DAB1: variants seen among roughly 807,000 people sequenced by gnomAD.
DAB1 encodes DAB adaptor protein 1.
A neutral mutation model predicts 64.6 loss-of-function variants in DAB1; 15 were observed. The observed-to-expected ratio is 0.23, with a 90% CI of 0.16 to 0.36. DAB1 has a LOEUF of 0.36. Among genes scored for constraint, DAB1 ranks in the 10% least tolerant of loss-of-function variants. DAB1 has a pLI of 1.00. For missense variants in DAB1, 596 were observed against 706.7 expected (o/e 0.84, Z 1.78); for synonymous variants, 235 against 251.9 (o/e 0.93, Z 0.64).
chr1:57,258,568 C>T (rs994081227), intron 2 of DAB1, among the ~76,000 whole-genome samples: 15 of 152,162 alleles, frequency 9.9e-5, no homozygotes, highest in Non-Finnish European at 2.1e-4. Flanking sequence ...GAGCTTTTCT[C>T]CCAAATCGCT....
Position 58,313,819 on chromosome 1 carries a change from ATGTGTGTGTG to A in DAB1, n.309+29523_309+29532del, listed in dbSNP as rs35817738. 1.8e-3 allele frequency among the ~76,000 whole-genome samples: 213 copies of A among 120,040 alleles called. 2 individuals carry two copies. Among genetic ancestry groups the A allele is most frequent in the African/African-American group, 7.1e-3 (200 of 28,114 alleles). 78.8% of individuals were successfully genotyped at this position (120,040 alleles called of 152,430 possible). A position where few individuals can be genotyped will look rare whatever the true frequency, so the allele number is the denominator to read the frequency against. ...GTGGCCATCCTCTCATTGTATCTTC[ATGTGTGTGTG>A]TGTGTGTGTGTGTGTGTGTGTGTGT... is the stretch of plus-strand genomic sequence containing the variant. On this transcript the variant is annotated intron_variant and non_coding_transcript_variant, in intron 4 of 20. Transcript: ENST00000485760.
intron 5 of DAB1, among the ~76,000 whole-genome samples, chr1:57,936,747 T>C (rs1253950415): frequency 6.6e-6 from 1 of 152,152 alleles, no homozygotes; most frequent in Admixed American, 6.5e-5. Flanking sequence ...AATAAATACT[T>C]TAATGATGTC....
At chr1:57,104,903 C>A (rs756782882) in intron 4 of DAB1, among the ~76,000 whole-genome samples, 11 of 152,036 alleles carry the variant, frequency 7.2e-5, no homozygotes, top group Non-Finnish European at 1.5e-4. Flanking sequence ...GAAGGTGGGG[C>A]CCCCCTTCCA....
intron 3 of DAB1, among the ~76,000 whole-genome samples, chr1:58,377,829 G>A (rs1271825391): frequency 7.1e-6 from 1 of 140,210 alleles, no homozygotes; most frequent in Non-Finnish European, 1.6e-5. Flanking sequence ...ATCAGACGTA[G>A]ATTTGGTCTT....
intron 3 of DAB1, among the ~76,000 whole-genome samples, chr1:58,488,513 G>A (rs774522524): frequency 3.9e-5 from 6 of 152,176 alleles, no homozygotes; most frequent in South Asian, 2.1e-4. Context: ...GTGCAATGGC[G>A]CGATCTCAGA....
chr1:57,234,005 A>C (rs1228316301), intron 2 of DAB1, among the ~76,000 whole-genome samples: 1 of 152,176 alleles, frequency 6.6e-6, no homozygotes, highest in East Asian at 1.9e-4. Context: ...TCCAAGGTTA[A>C]TGGTGTTGTG....
At chr1:57,364,515 C>A (rs1176516973) in intron 1 of DAB1, among the ~76,000 whole-genome samples, 2 of 151,976 alleles carry the variant, frequency 1.3e-5, no homozygotes, top group African/African-American at 2.4e-5. Flanking sequence ...TCTATAAAGA[C>A]CTTTTCACTT....
At chr1:57,785,811 T>C (rs948876317) in intron 6 of DAB1, among the ~76,000 whole-genome samples, 2 of 152,182 alleles carry the variant, frequency 1.3e-5, no homozygotes, top group Non-Finnish European at 2.9e-5. Flanking sequence ...ATTTAGAATA[T>C]TACATAAACT....
intron 3 of DAB1, among the ~76,000 whole-genome samples, chr1:58,379,726 C>G (rs892172910): frequency 6.6e-6 from 1 of 152,132 alleles, no homozygotes; most frequent in Non-Finnish European, 1.5e-5. Flanking sequence ...AGGAGATTAA[C>G]AAAGACACAA....
At chr1:57,779,001 A>G (rs1266191487) in intron 6 of DAB1, among the ~76,000 whole-genome samples, 1 of 151,946 alleles carries the variant, frequency 6.6e-6, no homozygotes, top group African/African-American at 2.4e-5. Flanking sequence ...GAGAATCAGT[A>G]GCAAAGACCA....
At chr1:57,763,520 G>GA (rs913251568) in intron 6 of DAB1, among the ~76,000 whole-genome samples, 3 of 151,244 alleles carry the variant, frequency 2.0e-5, no homozygotes, top group South Asian at 2.1e-4. Flanking sequence ...ACAGAAAAAG[G>GA]AAAAAAAAAT....
chr1:57,190,023 A>G (rs1663981519), intron 2 of DAB1, among the ~76,000 whole-genome samples: 1 of 152,152 alleles, frequency 6.6e-6, no homozygotes, highest in South Asian at 2.1e-4. Flanking sequence ...TCCCAGCTCA[A>G]TATCTGGGAA....
intron 5 of DAB1, among the ~76,000 whole-genome samples, chr1:58,084,061 C>A (rs951249509): frequency 6.6e-6 from 1 of 152,056 alleles, no homozygotes; most frequent in Non-Finnish European, 1.5e-5. Flanking sequence ...TATCCAGGGA[C>A]CAGGAGTGGC....
At chr1:57,444,487 G>A (rs1686064515) in intron 7 of DAB1, among the ~76,000 whole-genome samples, 1 of 152,110 alleles carries the variant, frequency 6.6e-6, no homozygotes, top group African/African-American at 2.4e-5. Flanking sequence ...TGAATATATT[G>A]ACTATGTCCT....
At chr1:57,979,279 CT>C (rs1473228127) in intron 5 of DAB1, among the ~76,000 whole-genome samples, 28 of 152,248 alleles carry the variant, frequency 1.8e-4, no homozygotes, top group African/African-American at 6.5e-4. Context: ...ATGGATGAAG[CT>C]AAAAACCATC....
At chr1:57,604,762 T>C (rs1378984175) in intron 7 of DAB1, among the ~76,000 whole-genome samples, 2 of 152,344 alleles carry the variant, frequency 1.3e-5, no homozygotes, top group East Asian at 3.9e-4. Flanking sequence ...GACTCCATTC[T>C]CAGCAAAGAA....
At chr1:57,945,106 T>G (rs1041331223) in intron 5 of DAB1, among the ~76,000 whole-genome samples, 24 of 152,190 alleles carry the variant, frequency 1.6e-4, no homozygotes, top group Non-Finnish European at 7.3e-5. Context: ...GGAAAGTTAG[T>G]TATACAAAAC....
At chr1:57,401,203 G>A (rs768688450) in intron 1 of DAB1, among the ~76,000 whole-genome samples, 3 of 151,992 alleles carry the variant, frequency 2.0e-5, no homozygotes, top group Non-Finnish European at 2.9e-5. Flanking sequence ...CCAAAGAAAC[G>A]ACTGAATTTA....
intron 2 of DAB1, among the ~76,000 whole-genome samples, chr1:58,520,674 T>C (rs1646247756): frequency 6.6e-6 from 1 of 151,920 alleles, no homozygotes. Context: ...ATAACAATAC[T>C]AAAAGGAAAA....
Sources: allele counts gnomAD v4.1 joint callset (sites outside exome capture counted in the v4.1 genomes callset), GRCh38; gene constraint gnomAD v4.1.1; transcripts MANE v1.5; gene names NCBI Gene and HGNC (gene_info 2026-07-23, HGNC 2026-07-21).